AVEN: variants seen among roughly 807,000 people sequenced by gnomAD.
The protein encoded by AVEN is cell death regulator Aven.
Under a neutral mutation model 38.1 loss-of-function variants are expected in AVEN, and 41 were observed. The ratio of observed to expected loss-of-function variants is 1.08; its 90% CI spans 0.84 to 1.40. The LOEUF (loss-of-function observed/expected upper bound fraction) is 1.40, where lower values mean the gene tolerates loss of function less well. AVEN is among the 40% of genes most tolerant of loss of function. AVEN has a pLI of 0.00. For missense variants in AVEN, 605 were observed against 438.8 expected, an observed-to-expected ratio of 1.38 and a Z score of -3.38; for synonymous variants, 206 against 171.8, an observed-to-expected ratio of 1.20 and a Z score of -1.56.
At chr15:33,920,211 T>A (rs905153954) in intron 2 of AVEN, among the ~76,000 whole-genome samples, 1 of 152,154 alleles carries the variant, frequency 6.6e-6, no homozygotes, top group African/African-American at 2.4e-5. Context: ...TCACATAAAA[T>A]GTGCCATCTT....
chr15:34,023,048 G>A lies in AVEN; in HGVS notation c.267+15732C>T, dbSNP rs145021493. On this transcript the variant is annotated intron_variant, in intron 1 of 5. Transcript: ENST00000306730. ...CTAAAAACACAAAAATTAGCCTGGC[G>A]TGGTGGTGTGCGCCTGTAGTCCCAG... Among the ~76,000 whole-genome samples the A allele has an allele frequency of 2.0e-3, 306 of 152,278 alleles. 1 individual carries two copies. Among genetic ancestry groups the A allele is most frequent in the African/African-American group, 7.0e-3 (289 of 41,558 alleles).
chr15:34,024,713 T>C (rs1361687083), intron 1 of AVEN, among the ~76,000 whole-genome samples: 1 of 146,954 alleles, frequency 6.8e-6, no homozygotes, highest in African/African-American at 2.5e-5. Flanking sequence ...ATACAAAAAT[T>C]AGCCACGCAT....
At chr15:33,987,238 T>C (rs1263871994) in intron 2 of AVEN, among the ~76,000 whole-genome samples, 2 of 152,242 alleles carry the variant, frequency 1.3e-5, no homozygotes, top group African/African-American at 4.8e-5. Context: ...CAGTATCCCA[T>C]ATGTGCTTTA....
At chr15:34,020,469 G>A (rs1217529791) in intron 1 of AVEN, among the ~76,000 whole-genome samples, 1 of 152,204 alleles carries the variant, frequency 6.6e-6, no homozygotes, top group African/African-American at 2.4e-5. Flanking sequence ...CTTAAAGCAT[G>A]TAGATCATCT....
At chr15:34,029,976 G>C (rs776143039) in intron 1 of AVEN, among the ~76,000 whole-genome samples, 1 of 152,062 alleles carries the variant, frequency 6.6e-6, no homozygotes, top group African/African-American at 2.4e-5. Context: ...ATTCCAAGCC[G>C]AGCATGGTGA....
chr15:33,943,387 T>A (rs1002792060), intron 2 of AVEN, among the ~76,000 whole-genome samples: 2 of 152,070 alleles, frequency 1.3e-5, no homozygotes, highest in Non-Finnish European at 2.9e-5. Context: ...TCCATTTATA[T>A]GAAGCATCTA....
At chr15:34,008,386 C>T (rs533776931) in intron 1 of AVEN, among the ~76,000 whole-genome samples, 1 of 149,350 alleles carries the variant, frequency 6.7e-6, no homozygotes, top group African/African-American at 2.5e-5. Context: ...TGCCACTGCA[C>T]TGAAGCCTGG....
At chr15:34,054,912 G>A (rs1900071519) in intron 5 of AVEN, among the ~76,000 whole-genome samples, 1 of 152,204 alleles carries the variant, frequency 6.6e-6, no homozygotes, top group African/African-American at 2.4e-5. Flanking sequence ...AAGTAAATAA[G>A]CTGGGTGCGG....
chr15:34,040,077 T>C (rs552845986), upstream of AVEN, among the ~76,000 whole-genome samples: 1 of 152,192 alleles, frequency 6.6e-6, no homozygotes, highest in Non-Finnish European at 1.5e-5. Context: ...TCTGGTTCTT[T>C]CCTATATCCA....
chr15:34,010,522 G>C lies in AVEN; in HGVS notation c.268-7313C>G, dbSNP rs138624738. Among the ~76,000 whole-genome samples the C allele has an allele frequency of 8.9e-4, 136 of 152,154 alleles. 1 individual carries two copies. The highest frequency in any genetic ancestry group is 1.8e-3 in the Non-Finnish European group (119 of 67,992). On this transcript the variant is annotated intron_variant, in intron 1 of 5. Transcript: ENST00000306730. ...AGGTCCCTGGTTCTACTTTCTTCTG[G>C]AGCAAAAAGGTATAGAAAAGGCTTT...
intron 2 of AVEN, among the ~76,000 whole-genome samples, chr15:34,070,517 A>G (rs1900604814): frequency 6.6e-6 from 1 of 152,040 alleles, no homozygotes. Context: ...TGATTCTTAC[A>G]TAGTGATGAC....
chr15:33,986,892 C>T lies in AVEN; in HGVS notation c.445+16140G>A, dbSNP rs185608255. 3.1e-3 allele frequency among the ~76,000 whole-genome samples: 477 copies of T among 152,200 alleles called. 2 individuals are homozygous for T. The highest frequency in any genetic ancestry group is 5.0e-3 in the Non-Finnish European group (342 of 68,012). ...CAGGATGGTCTCGATCTCCTGACCT[C>T]GTGATCCGCCCACCTCGGCCTCCCA... On this transcript the variant is annotated intron_variant, in intron 2 of 5. Coordinates refer to ENST00000306730, the MANE Select transcript of AVEN (RefSeq NM_020371.3).
At chr15:33,986,781 C>G (rs12913387) in intron 2 of AVEN, among the ~76,000 whole-genome samples, 1 of 151,486 alleles carries the variant, frequency 6.6e-6, no homozygotes, top group Non-Finnish European at 1.5e-5. Context: ...GTCAGCCGCC[C>G]GAGTAGCTGG....
chr15:33,962,268 C>A (rs971210114), intron 2 of AVEN, among the ~76,000 whole-genome samples: 1 of 152,174 alleles, frequency 6.6e-6, no homozygotes, highest in Admixed American at 6.5e-5. Context: ...CCTTCACATG[C>A]CTCAAGTATT....
intron 11 of AVEN, chr15:33,860,738 T>C: frequency 1.8e-6 from 2 of 1,094,984 alleles, no homozygotes; most frequent in East Asian, 5.1e-5. Flanking sequence ...CAATAGGTTT[T>C]ACTATTACTT....
chr15:33,948,286 G>A (rs1184571066), intron 2 of AVEN, among the ~76,000 whole-genome samples: 3 of 150,958 alleles, frequency 2.0e-5, no homozygotes, highest in Admixed American at 6.6e-5. Context: ...TAGTAGAGAC[G>A]GGGTTTCACT....
chr15:33,967,274 TTGTC>T (rs1895425826), intron 2 of AVEN, among the ~76,000 whole-genome samples: 1 of 152,114 alleles, frequency 6.6e-6, no homozygotes, highest in Non-Finnish European at 1.5e-5. Flanking sequence ...AGTGTATACT[TTGTC>T]TGGATTCTCA....
chr15:33,961,438 G>C (rs903188403), intron 2 of AVEN, among the ~76,000 whole-genome samples: 2 of 152,106 alleles, frequency 1.3e-5, no homozygotes, highest in African/African-American at 2.4e-5. Context: ...CTGTTCTAAC[G>C]TATCGACTTT....
intron 11 of AVEN, chr15:33,860,544 T>C (rs1317683742): frequency 2.7e-6 from 3 of 1,090,966 alleles, no homozygotes; most frequent in African/African-American, 3.2e-5. Context: ...ATCATTCCTC[T>C]ACCCCTGAAC....
Sources: gnomAD v4.1 joint callset for allele counts (sites outside exome capture counted in the v4.1 genomes callset) on GRCh38, gnomAD v4.1.1 for gene constraint, MANE v1.5 for transcripts, NCBI Gene and HGNC (gene_info 2026-07-23, HGNC 2026-07-21) for gene names.